The following THADA variants were observed in gnomAD, a reference collection of about 807,000 sequenced individuals.
THADA encodes the protein THADA armadillo repeat containing.
Under a neutral mutation model 219.8 loss-of-function variants are expected in THADA, and 213 were observed. The observed-to-expected ratio is 0.97, with a 90% CI of 0.87 to 1.09. The LOEUF (loss-of-function observed/expected upper bound fraction) is 1.09. THADA is among the 50% of genes least tolerant of loss of function. The probability of loss-of-function intolerance (pLI) is 0.00; values close to 1 mark genes in which losing one functional copy is unlikely to be tolerated. For missense variants in THADA, 2,956 were observed against 2,311.3 expected, an observed-to-expected ratio of 1.28 and a Z score of -5.72; for synonymous variants, 1,018 against 828.9, an observed-to-expected ratio of 1.23 and a Z score of -3.92.
At chr2:43,342,647 C>A (rs1030190525) in intron 30 of THADA, among the ~76,000 whole-genome samples, 2 of 152,234 alleles carry the variant, frequency 1.3e-5, no homozygotes, top group Non-Finnish European at 2.9e-5. Context: ...CCCTCTCTCA[C>A]CCCTCTTCTG....
chr2:43,320,202 T>C (rs997809655), intron 31 of THADA, among the ~76,000 whole-genome samples: 33 of 152,206 alleles, frequency 2.2e-4, no homozygotes, highest in African/African-American at 7.7e-4. Flanking sequence ...AGAGGGTATC[T>C]GAGTAGAGTT....
At chr2:43,395,098 A>T (rs564266022) in intron 29 of THADA, among the ~76,000 whole-genome samples, 15 of 152,314 alleles carry the variant, frequency 9.8e-5, no homozygotes, top group African/African-American at 3.6e-4. Context: ...GTGGGAAACA[A>T]GGCTGGGAGG....
chr2:43,528,077 T>C, intron 21 of THADA, 89 bp from the exon 22 acceptor site: 1 of 838,096 alleles, frequency 1.2e-6, no homozygotes, highest in Non-Finnish European at 1.9e-6. Flanking sequence ...AACCCAGGTC[T>C]AGGGGTCCAT....
intron 26 of THADA, among the ~76,000 whole-genome samples, chr2:43,455,650 A>G (rs1205888135): frequency 6.6e-6 from 1 of 152,232 alleles, no homozygotes; most frequent in Non-Finnish European, 1.5e-5. Context: ...AAGAAGACAC[A>G]AGAGAAGCCT....
chr2:43,468,635 C>T (rs1265990588), intron 26 of THADA, among the ~76,000 whole-genome samples: 7 of 152,214 alleles, frequency 4.6e-5, no homozygotes, highest in East Asian at 3.9e-4. Context: ...ATTTACACAG[C>T]GCTTTAGGAT....
chr2:43,291,473 A>AAAAAAAAAAAAAAAAAAAAAAC (rs1558527804), intron 34 of THADA, among the ~76,000 whole-genome samples: 1 of 146,736 alleles, frequency 6.8e-6, no homozygotes, highest in African/African-American at 2.5e-5. Context: ...AAAAAAAAAA[A>AAAAAAAAAAAAAAAAAAAAAAC]AAAAAAAAAT....
chr2:43,515,134 TAA>T lies in THADA; in HGVS notation c.3375-6356_3375-6355del, dbSNP rs1432373381. Among the ~76,000 whole-genome samples, 72 of 12,324 alleles carry T rather than the reference TAA, an allele frequency of 5.8e-3. 11 individuals are homozygous for T. Among genetic ancestry groups the T allele is most frequent in the African/African-American group, 0.021 (65 of 3,128 alleles). 8.1% of individuals were successfully genotyped at this position (12,324 alleles called of 152,430 possible). On this transcript the variant is annotated intron_variant, in intron 22 of 37. Coordinates refer to ENST00000405975, the MANE Select transcript of THADA (RefSeq NM_022065.5). ...TTTTATATATAATATATTTTATATA[TAA>T]TATATAATATATTTTATATATTATA...
At chr2:43,473,571 G>A (rs917239445) in intron 26 of THADA, among the ~76,000 whole-genome samples, 6 of 151,590 alleles carry the variant, frequency 4.0e-5, no homozygotes, top group Non-Finnish European at 5.9e-5. Flanking sequence ...TAACATCATC[G>A]TTTTGTGTCA....
At chr2:43,437,590 G>A (rs910709229) in intron 26 of THADA, among the ~76,000 whole-genome samples, 1 of 152,186 alleles carries the variant, frequency 6.6e-6, no homozygotes, top group Non-Finnish European at 1.5e-5. Flanking sequence ...ACAGTGTGAT[G>A]TATTCATGGG....
intron 19 of THADA, 150 bp from the exon 20 acceptor site, chr2:43,549,518 TA>T (rs1696500239): frequency 2.5e-6 from 2 of 806,248 alleles, no homozygotes; most frequent in African/African-American, 3.6e-5. Flanking sequence ...ATATGAAAAT[TA>T]TTTATACAGT....
rs536050936 is a variant in THADA, at chr2:43,584,037, T to TAAA, written c.534-2112_534-2110dup. Among the ~76,000 whole-genome samples, 360 of 65,570 alleles carry TAAA rather than the reference T, an allele frequency of 5.5e-3. 3 individuals are homozygous for TAAA. The highest frequency in any genetic ancestry group is 0.019 in the African/African-American group (326 of 16,848). 43.0% of individuals were successfully genotyped at this position (65,570 alleles called of 152,430 possible). ...TGACAGAGCCAGAGCTTGTCTCAAT[T>TAAA]AAAAAAAAAAAAAAAAAAAAAAGGA... On this transcript the variant is annotated intron_variant, in intron 7 of 37. Transcript: ENST00000405975.
chr2:43,263,060 T>C (rs1253124999), intron 36 of THADA, among the ~76,000 whole-genome samples: 1 of 152,166 alleles, frequency 6.6e-6, no homozygotes, highest in Non-Finnish European at 1.5e-5. Flanking sequence ...TATCTACCTT[T>C]AGTGTTTGTC....
intron 36 of THADA, among the ~76,000 whole-genome samples, chr2:43,239,237 T>C (rs1668371082): frequency 6.6e-6 from 1 of 152,320 alleles, no homozygotes; most frequent in South Asian, 2.1e-4. Context: ...AGCCTTCATC[T>C]TGCTACTGCC....
chr2:43,449,257 C>G (rs1455623747), intron 26 of THADA, among the ~76,000 whole-genome samples: 3 of 151,668 alleles, frequency 2.0e-5, no homozygotes, highest in African/African-American at 7.3e-5. Context: ...GAAGATAAGA[C>G]AAGGGAAATT....
chr2:43,232,219 C>T (rs1051565362), intron 37 of THADA, among the ~76,000 whole-genome samples: 1 of 150,898 alleles, frequency 6.6e-6, no homozygotes, highest in Non-Finnish European at 1.5e-5. Context: ...TGCTCTGTTG[C>T]CCAGGCTGGA....
chr2:43,514,559 T>A (rs1270914416), intron 22 of THADA, among the ~76,000 whole-genome samples: 6 of 126,372 alleles, frequency 4.7e-5, no homozygotes, highest in Non-Finnish European at 6.3e-5. Flanking sequence ...ACAATATAAA[T>A]AATATACATA....
chr2:43,342,972 C>T (rs1376513876), intron 30 of THADA: 2 of 152,058 alleles, frequency 1.3e-5, no homozygotes, highest in African/African-American at 4.8e-5. Context: ...CTTTAGACAG[C>T]CAATATACTT....
At chr2:43,506,898 A>T (rs982022347) in intron 23 of THADA, among the ~76,000 whole-genome samples, 3 of 152,240 alleles carry the variant, frequency 2.0e-5, no homozygotes, top group African/African-American at 7.2e-5. Context: ...ATAAAGACAT[A>T]CAAAAAATAG....
In THADA at chr2:43,477,133, T is replaced by A. The variant is rs538664320; in HGVS notation, c.3836+8101A>T. The stretch of plus-strand genomic sequence containing the variant: ...ATATGTCTTTCTCACAGTAGATATA[T>A]CTACTGCTCCTAATAATCAGAAATA... On this transcript the variant is annotated intron_variant, in intron 26 of 37. Coordinates refer to ENST00000405975, the MANE Select transcript of THADA (RefSeq NM_022065.5). 2.0e-4 allele frequency among the ~76,000 whole-genome samples: 31 copies of A among 152,336 alleles called. No homozygotes were observed. In the South Asian group the frequency reaches 6.0e-3, roughly 30 times the overall value.
Sources: gnomAD v4.1 joint callset for allele counts (sites outside exome capture counted in the v4.1 genomes callset) on GRCh38, gnomAD v4.1.1 for gene constraint, MANE v1.5 for transcripts, NCBI Gene and HGNC (gene_info 2026-07-23, HGNC 2026-07-21) for gene names.